The following ERC2 variants were observed in gnomAD, a reference collection of about 807,000 sequenced individuals.
ERC2 encodes the protein ELKS/RAB6-interacting/CAST family member 2, also known as ERC protein 2.
In ERC2, 42 loss-of-function variants were observed where a neutral mutation model predicts 114.8. The ratio of observed to expected loss-of-function variants is 0.37; its 90% confidence interval spans 0.29 to 0.47. The LOEUF (loss-of-function observed/expected upper bound fraction) is 0.47, where lower values mean the gene tolerates loss of function less well. Ranked by LOEUF, ERC2 falls within the 20% of genes least tolerant of loss-of-function variation. The pLI is 0.99. For missense variants in ERC2, 939 were observed against 1,150.7 expected (o/e 0.82, Z 2.66); for synonymous variants, 454 against 425.5 (o/e 1.07, Z -0.82).
At chr3:55,664,519 G>A (rs562643944) in intron 17 of ERC2, among the ~76,000 whole-genome samples, 14 of 152,346 alleles carry the variant, frequency 9.2e-5, no homozygotes, top group African/African-American at 3.4e-4. Flanking sequence ...TCGCTGCAGA[G>A]GAGACGCCAG....
At chr3:55,798,613 G>C (rs1226538303) in intron 14 of ERC2, among the ~76,000 whole-genome samples, 1 of 148,304 alleles carries the variant, frequency 6.7e-6, no homozygotes, top group Non-Finnish European at 1.5e-5. Flanking sequence ...AAAAAAAAAA[G>C]AAAGAAAGAA....
At chr3:55,625,374 G>GAAAAA (rs60450668) in intron 17 of ERC2, among the ~76,000 whole-genome samples, 2 of 119,916 alleles carry the variant, frequency 1.7e-5, no homozygotes, top group Non-Finnish European at 3.5e-5. Context: ...CTCAAAAAAA[G>GAAAAA]AAAAAAAAAA....
intron 12 of ERC2, among the ~76,000 whole-genome samples, chr3:55,952,179 A>ACACACACACACACT (rs1390539850): frequency 1.6e-5 from 1 of 62,098 alleles, no homozygotes; most frequent in South Asian, 6.6e-4. Flanking sequence ...ACACACACAC[A>ACACACACACACACT]CTCTCTCTCT....
At chr3:56,259,062 C>T (rs1390201874) in intron 3 of ERC2, among the ~76,000 whole-genome samples, 1 of 151,638 alleles carries the variant, frequency 6.6e-6, no homozygotes, top group African/African-American at 2.4e-5. Context: ...CAAACTCCAC[C>T]TACCAGGTTC....
intron 5 of ERC2, among the ~76,000 whole-genome samples, chr3:56,142,972 G>T (rs1381783615): frequency 6.6e-6 from 1 of 152,038 alleles, no homozygotes; most frequent in African/African-American, 2.4e-5. Flanking sequence ...TCTACCTGAA[G>T]TTTTCCGATC....
In ERC2 at chr3:55,844,870, G is replaced by A. The variant is rs184265120; in HGVS notation, c.2564+43519C>T. Among the ~76,000 whole-genome samples the A allele has an allele frequency of 5.9e-5, 9 of 152,314 alleles. No individual in the cohort carries two copies. In the East Asian group the frequency reaches 1.5e-3, roughly 26 times the overall value. On this transcript the variant is annotated intron_variant, in intron 14 of 17. Transcript: ENST00000288221. ...TCAGAGGATAAAAAGAGACCCTATAGGGCAGCAGTCCCCAGCTTTTTTTGG... is the reference window on the plus strand; with the variant it reads ...TCAGAGGATAAAAAGAGACCCTATAAGGCAGCAGTCCCCAGCTTTTTTTGG...
chr3:55,907,210 A>C (rs571462718), intron 13 of ERC2, among the ~76,000 whole-genome samples: 1 of 152,302 alleles, frequency 6.6e-6, no homozygotes, highest in Non-Finnish European at 1.5e-5. Flanking sequence ...AGTAGCTTTT[A>C]TATGGTAAAG....
chr3:56,182,998 T>C (rs2083370958), intron 3 of ERC2, among the ~76,000 whole-genome samples: 1 of 152,232 alleles, frequency 6.6e-6, no homozygotes, highest in South Asian at 2.1e-4. Context: ...TTAATAACCT[T>C]CTCAATCTTT....
At chr3:56,448,797 C>T (rs536655222) in intron 1 of ERC2, among the ~76,000 whole-genome samples, 7 of 152,120 alleles carry the variant, frequency 4.6e-5, no homozygotes, top group East Asian at 1.9e-4. Flanking sequence ...GGTAGTTGGC[C>T]GGGCGCGGTG....
intron 13 of ERC2, among the ~76,000 whole-genome samples, chr3:55,940,372 G>A (rs188951574): frequency 1.1e-4 from 16 of 151,976 alleles, no homozygotes; most frequent in Middle Eastern, 3.4e-3. Flanking sequence ...TGATACATTC[G>A]TCTCTCACCC....
At chr3:55,669,816 G>C (rs193173710) in intron 17 of ERC2, among the ~76,000 whole-genome samples, 1 of 152,330 alleles carries the variant, frequency 6.6e-6, no homozygotes, top group East Asian at 1.9e-4. Flanking sequence ...TTGTTCCCTT[G>C]GCCGTGTGTG....
At chr3:56,083,706 G>C (rs1200076222) in intron 6 of ERC2, among the ~76,000 whole-genome samples, 5 of 152,078 alleles carry the variant, frequency 3.3e-5, no homozygotes, top group Non-Finnish European at 7.4e-5. Context: ...GAATGAAGTG[G>C]GGGTTGGATA....
intron 7 of ERC2, chr3:56,072,015 C>A (rs1388292156): frequency 6.6e-6 from 1 of 152,198 alleles, no homozygotes; most frequent in Non-Finnish European, 1.5e-5. Flanking sequence ...AGCAGCCATA[C>A]ACTGTTGGTG....
intron 13 of ERC2, among the ~76,000 whole-genome samples, chr3:55,901,809 C>G (rs571687272): frequency 8.3e-4 from 127 of 152,310 alleles, no homozygotes; most frequent in African/African-American, 2.8e-3. Flanking sequence ...AATATCATAG[C>G]TTTGAAGACT....
At chr3:55,988,960 T>C (rs1254149565) in intron 11 of ERC2, among the ~76,000 whole-genome samples, 1 of 152,228 alleles carries the variant, frequency 6.6e-6, no homozygotes, top group African/African-American at 2.4e-5. Context: ...AGATAATGCT[T>C]CAGAAAGGCA....
At chr3:56,066,245 G>T (rs749542646) in intron 7 of ERC2, among the ~76,000 whole-genome samples, 1 of 152,106 alleles carries the variant, frequency 6.6e-6, no homozygotes, top group African/African-American at 2.4e-5. Context: ...CATTCTAACC[G>T]GCATGAGATG....
chr3:56,301,855 G>T (rs1397016619), intron 2 of ERC2, among the ~76,000 whole-genome samples: 1 of 152,148 alleles, frequency 6.6e-6, no homozygotes, highest in Admixed American at 6.5e-5. Context: ...GAGGAGAGTA[G>T]TAATTCCTTC....
chr3:56,017,545 C>A (rs1455007977), intron 8 of ERC2, among the ~76,000 whole-genome samples: 1 of 152,080 alleles, frequency 6.6e-6, no homozygotes, highest in Non-Finnish European at 1.5e-5. Flanking sequence ...CTCACCCACA[C>A]CCTTGTACTT....
intron 6 of ERC2, among the ~76,000 whole-genome samples, chr3:56,096,456 AATATCTGAACAGCATAAATAGCAACC>A (rs1275153102): frequency 3.9e-5 from 6 of 152,198 alleles, no homozygotes; most frequent in Admixed American, 2.0e-4. Flanking sequence ...GAAAGCAGGA[AATATCTGAACAGCATAAATAGCAACC>A]AAAGCAGTGG....
Sources: gnomAD v4.1 joint callset for allele counts (sites outside exome capture counted in the v4.1 genomes callset) on GRCh38, gnomAD v4.1.1 for gene constraint, MANE v1.5 for transcripts, NCBI Gene and HGNC (gene_info 2026-07-23, HGNC 2026-07-21) for gene names.